The following PRDM9 variants were observed in gnomAD, a reference collection of about 807,000 sequenced individuals.
The protein encoded by PRDM9 is PR/SET domain 9.
A neutral mutation model predicts 55.6 loss-of-function variants in PRDM9; 47 were observed. The observed-to-expected ratio is 0.85, with a 90% CI of 0.67 to 1.08. PRDM9 has a LOEUF of 1.08. Among genes scored for constraint, PRDM9 ranks in the 50% least tolerant of loss-of-function variants. PRDM9 has a pLI of 0.00. For missense variants in PRDM9, 867 were observed against 1,040.3 expected, an observed-to-expected ratio of 0.83 and a Z score of 2.29; for synonymous variants, 312 against 375.7, an observed-to-expected ratio of 0.83 and a Z score of 1.96.
chr5:23,515,913 G>T (rs139468715), intron 4 of PRDM9, among the ~76,000 whole-genome samples: 4 of 152,276 alleles, frequency 2.6e-5, no homozygotes, highest in Non-Finnish European at 5.9e-5. Flanking sequence ...GATCGCTGTA[G>T]CTTTGTAATA....
At chr5:23,507,248 AG>A (rs1738992666), upstream of PRDM9, 1 of 152,452 alleles carries the variant, frequency 6.6e-6, no homozygotes, top group South Asian at 2.1e-4. Flanking sequence ...TCCCCTTGGA[AG>A]ACCCAGGCCT....
chr5:23,507,537 C>T (rs1000436999), upstream of PRDM9: 9 of 152,460 alleles, frequency 5.9e-5, no homozygotes, highest in Admixed American at 2.6e-4. Flanking sequence ...GGCGGGCTCG[C>T]CTTGGTCTCC....
At chr5:23,512,008 T>G (rs918151590) in intron 4 of PRDM9, among the ~76,000 whole-genome samples, 1 of 152,038 alleles carries the variant, frequency 6.6e-6, no homozygotes, top group Non-Finnish European at 1.5e-5. Context: ...TGCTAAACAT[T>G]GTTAATACAT....
intron 1 of PRDM9, among the ~76,000 whole-genome samples, chr5:23,508,154 C>T (rs565064895): frequency 6.6e-6 from 1 of 152,182 alleles, no homozygotes; most frequent in South Asian, 2.1e-4. Flanking sequence ...ATCTCCTTTA[C>T]CTGAGACCCA....
chr5:23,516,673 G>A (rs62342741), intron 4 of PRDM9, among the ~76,000 whole-genome samples: 75,881 of 150,598 alleles, frequency 0.5, 23,256 homozygotes, highest in Non-Finnish European at 0.68. Flanking sequence ...TGCTCGGCCC[G>A]AATTCATGTA....
intron 8 of PRDM9, 43 bp downstream of exon 8, chr5:23,522,928 C>G (rs927472151): frequency 4.3e-6 from 7 of 1,613,940 alleles, no homozygotes; most frequent in Middle Eastern, 3.3e-4. Context: ...CTTCCCACAT[C>G]CCTTCTGTGC....
chr5:23,516,679 A>G (rs1428499373), intron 4 of PRDM9, among the ~76,000 whole-genome samples: 1 of 148,718 alleles, frequency 6.7e-6, no homozygotes, highest in Non-Finnish European at 1.5e-5. Flanking sequence ...GCCCGAATTC[A>G]TGTATTACTT....
intron 4 of PRDM9, among the ~76,000 whole-genome samples, chr5:23,512,359 G>A (rs1233870675): frequency 6.6e-6 from 1 of 152,038 alleles, no homozygotes; most frequent in African/African-American, 2.4e-5. Context: ...GGTTAGGAGA[G>A]TTTAGAAGTA....
At chr5:23,520,071 C>T (rs1739297743) in intron 5 of PRDM9, among the ~76,000 whole-genome samples, 1 of 138,760 alleles carries the variant, frequency 7.2e-6, no homozygotes, top group Non-Finnish European at 1.5e-5. Context: ...AAAGAATTAG[C>T]ATGGTCTGAT....
intron 3 of PRDM9, 81 bp from the exon 4 acceptor site, chr5:23,509,839 T>C: frequency 1.3e-6 from 2 of 1,486,090 alleles, no homozygotes; most frequent in Non-Finnish European, 1.9e-6. Flanking sequence ...GCACTGGCTT[T>C]GTGGTGCTTT....
Position 23,517,786 on chromosome 5 carries a change from C to A in PRDM9, c.302-95C>A, listed in dbSNP as rs1739243742. The A allele has an allele frequency of 3.8e-6, 5 of 1,305,798 alleles. No homozygotes were observed. The South Asian group carries it at 6.0e-5, about 16-fold the overall frequency. 80.9% of individuals were successfully genotyped at this position (1,305,798 alleles called of 1,614,324 possible). Reference sequence around the variant, plus strand: ...TGGGCGACAGAGGGAGACTCCGTCTCAAAAATAAAAAATAAAAATAAAAAA... The same window carrying A: ...TGGGCGACAGAGGGAGACTCCGTCTAAAAAATAAAAAATAAAAATAAAAAA... On this transcript the variant is annotated intron_variant, in intron 4 of 10. Transcript: ENST00000296682.
In PRDM9 at chr5:23,524,660, A is replaced by G; in HGVS notation, c.1144+133A>G. On this transcript the variant is annotated intron_variant, in intron 10 of 10. Transcript: ENST00000296682. ...AGATTTCAAATCAGTGGCTTCCAAAATTAAACATTCATGTTATATACCTTT... is the reference window on the plus strand; with the variant it reads ...AGATTTCAAATCAGTGGCTTCCAAAGTTAAACATTCATGTTATATACCTTT... 2.3e-6 allele frequency: 3 copies of G among 1,289,286 alleles called. No homozygotes were observed. The South Asian group carries it at 4.0e-5, about 17-fold the overall frequency. 79.9% of individuals were successfully genotyped at this position (1,289,286 alleles called of 1,614,324 possible).
Position 23,524,389 on chromosome 5 carries a change from C to A in PRDM9, c.1006C>A (p.His336Asn). Residue 336 changes from histidine (H) to asparagine (N), a missense_variant, in exon 10 of 11, where the codon CAC (histidine) becomes AAC (asparagine). This residue lies in a region of PRDM9 where 662 missense variants were observed against 711.9 expected (regional missense o/e 0.93). Transcript: ENST00000296682. ...EEQNLVAFQY[H>N]RQIFYRTCRV... Reference sequence around the variant, plus strand: ...GCAGAACCTGGTGGCCTTCCAGTACCACAGGCAGATCTTCTATAGAACCTG... The same window carrying A: ...GCAGAACCTGGTGGCCTTCCAGTACAACAGGCAGATCTTCTATAGAACCTG... The A allele has an allele frequency of 6.2e-7, 1 of 1,613,876 alleles. No homozygotes were observed. The highest frequency in any genetic ancestry group is 8.5e-7 in the Non-Finnish European group (1 of 1,179,830).
At chr5:23,508,064 T>C (rs1472350745) in intron 1 of PRDM9, among the ~76,000 whole-genome samples, 2 of 151,900 alleles carry the variant, frequency 1.3e-5, no homozygotes, top group African/African-American at 4.8e-5. Context: ...CTAAATAGCC[T>C]GAAAACTCAA....
chr5:23,515,819 G>A lies in PRDM9; in HGVS notation c.302-2062G>A, dbSNP rs150684198. Among the ~76,000 whole-genome samples the A allele has an allele frequency of 5.6e-4, 85 of 152,190 alleles. 1 individual carries two copies. Among genetic ancestry groups the A allele is most frequent in the Admixed American group, 1.4e-3 (22 of 15,282 alleles). Reference sequence around the variant, plus strand: ...CATCCTTGCTGAAGATCATTTGACCGCATACACAAGGGTTTATTTCTGGCC... The same window carrying A: ...CATCCTTGCTGAAGATCATTTGACCACATACACAAGGGTTTATTTCTGGCC... On this transcript the variant is annotated intron_variant, in intron 4 of 10. Transcript: ENST00000296682.
intron 5 of PRDM9, among the ~76,000 whole-genome samples, chr5:23,520,092 T>TG (rs1176353531): frequency 7.0e-6 from 1 of 142,660 alleles, no homozygotes; most frequent in African/African-American, 2.6e-5. Context: ...GGTCTGAGTG[T>TG]GGGGGCTCAT....
chr5:23,522,707 C>G lies in PRDM9; in HGVS notation c.704C>G (p.Pro235Arg), dbSNP rs1739356100. The G allele has an allele frequency of 1.9e-6, 3 of 1,614,054 alleles. No homozygotes were observed. Among genetic ancestry groups the G allele is most frequent in the Admixed American group, 1.7e-5 (1 of 59,996 alleles). The change falls in exon 8 of 11, where the codon CCC (proline) becomes CGC (arginine). Residue 235 changes from proline to arginine, a missense_variant. By Grantham distance (103) the Pro-to-Arg change is moderately radical. Transcript: ENST00000296682. ...VKDSAVDKGH[P>R]NRSALSLPPG... Reference sequence around the variant, plus strand: ...GACAGTGCAGTGGACAAGGGGCACCCCAACCGTTCAGCCCTCAGTCTGCCC... The same window carrying G: ...GACAGTGCAGTGGACAAGGGGCACCGCAACCGTTCAGCCCTCAGTCTGCCC...
rs915106807 is a variant in PRDM9 at position 23,516,384 on chromosome 5, A to AT, written c.302-1490dup. Among the ~76,000 whole-genome samples the AT allele has an allele frequency of 6.6e-5, 10 of 152,010 alleles. 1 individual carries two copies. Among genetic ancestry groups the AT allele is most frequent in the African/African-American group, 2.4e-4 (10 of 41,484 alleles). On this transcript the variant is annotated intron_variant, in intron 4 of 10. Coordinates refer to ENST00000296682, the MANE Select transcript of PRDM9 (RefSeq NM_020227.4). ...TATGGTGAATTCATGTATTATTATT[A>AT]TTTTTTTAGATGGAGTCTGGCTCTG... is the stretch of plus-strand genomic sequence containing the variant.
At chr5:23,524,259 G>T in intron 9 of PRDM9, 75 bp from the exon 10 acceptor site, 1 of 1,555,892 alleles carries the variant, frequency 6.4e-7, no homozygotes, top group East Asian at 2.2e-5. Context: ...AGACCAGCAG[G>T]TGATGGGCCA....
Sources: allele counts gnomAD v4.1 joint callset (sites outside exome capture counted in the v4.1 genomes callset), GRCh38; gene constraint gnomAD v4.1.1; regional missense constraint gnomAD v4.1.1; transcripts MANE v1.5; gene names NCBI Gene and HGNC (gene_info 2026-07-23, HGNC 2026-07-21).